SMC5: variants seen among roughly 807,000 people sequenced by gnomAD.
The protein encoded by SMC5 is structural maintenance of chromosomes 5.
A neutral mutation model predicts 148.3 loss-of-function variants in SMC5; 88 were observed. The observed-to-expected ratio is 0.59, with a 90% CI of 0.50 to 0.71. The LOEUF (loss-of-function observed/expected upper bound fraction) is 0.71. SMC5 is among the 30% of genes least tolerant of loss of function. The pLI is 0.00. For synonymous variants in SMC5, 421 were observed against 432.8 expected (o/e 0.97, Z 0.34); for missense variants, 1,142 against 1,298.9 (o/e 0.88, Z 1.86).
In SMC5 at chr9:70,338,974, T is replaced by G. The variant is rs1026097389; in HGVS notation, c.2398-5170T>G. On this transcript the variant is annotated intron_variant, in intron 17 of 24. Transcript: ENST00000361138. ...AGTTCAAGTCCATCCTGGGCAACAC[T>G]GTAAGACCTTATCTCTAAAAAAAAA... Among the ~76,000 whole-genome samples the G allele has an allele frequency of 7.2e-5, 11 of 152,156 alleles. No individual in the cohort carries two copies. In the East Asian group the frequency reaches 2.1e-3, roughly 29 times the overall value.
intron 15 of SMC5, among the ~76,000 whole-genome samples, chr9:70,321,264 C>T (rs993657725): frequency 6.6e-6 from 1 of 152,032 alleles, no homozygotes; most frequent in East Asian, 1.9e-4. Flanking sequence ...AGATTGGGCA[C>T]CTGAGGGTTT....
At chr9:70,352,051 G>A (rs1242556420) in intron 24 of SMC5, 140 bp from the exon 25 acceptor site, 7 of 695,042 alleles carry the variant, frequency 1.0e-5, no homozygotes, top group Admixed American at 6.8e-5. Context: ...TCTGTACTCC[G>A]GCCTGAGCAG....
intron 3 of SMC5, among the ~76,000 whole-genome samples, chr9:70,268,421 G>A (rs887327845): frequency 2.0e-5 from 3 of 152,014 alleles, no homozygotes; most frequent in Non-Finnish European, 4.4e-5. Context: ...ACTCCAGCCT[G>A]GGAGACAGAG....
intron 24 of SMC5, among the ~76,000 whole-genome samples, chr9:70,351,063 A>T (rs1164366170): frequency 6.6e-6 from 1 of 152,160 alleles, no homozygotes; most frequent in African/African-American, 2.4e-5. Context: ...TATTCATGAA[A>T]AATTTTGGCC....
intron 15 of SMC5, among the ~76,000 whole-genome samples, chr9:70,323,129 A>G (rs1031582102): frequency 6.6e-6 from 1 of 152,132 alleles, no homozygotes. Flanking sequence ...TTAACACTTA[A>G]TATCTGTGAT....
rs1564076356 is a variant in SMC5, at chr9:70,350,212, A to C, written c.2988A>C (p.Arg996Ser). ...CTCATCATCAAAGTGGAGGTGAAAG[A>C]AGTGTTTCTACCATGTTATACTTGA... ...LTPHHQSGGE[R>S]SVSTMLYLMA... is the part of the protein sequence containing the mutation. The change falls in exon 23 of 25, where the codon AGA becomes AGC. Residue 996 changes from arginine to serine, a missense_variant. Around this residue, in one of 5 missense-constraint regions of SMC5, gnomAD observed 743 missense variants for 835.7 expected, o/e 0.89. Coordinates refer to ENST00000361138, the MANE Select transcript of SMC5 (RefSeq NM_015110.4). 2.5e-6 allele frequency: 4 copies of C among 1,613,560 alleles called. No homozygotes were observed. The highest frequency in any genetic ancestry group is 3.4e-6 in the Non-Finnish European group (4 of 1,179,788).
intron 18 of SMC5, among the ~76,000 whole-genome samples, chr9:70,345,452 G>A (rs1310419401): frequency 6.6e-6 from 1 of 151,950 alleles, no homozygotes; most frequent in East Asian, 1.9e-4. Context: ...GACATGGATG[G>A]GAACTTGGTC....
chr9:70,261,020 T>A (rs1158260869), intron 1 of SMC5, among the ~76,000 whole-genome samples: 1 of 152,152 alleles, frequency 6.6e-6, no homozygotes. Context: ...ATTACAGACA[T>A]GAGCCACTGC....
chr9:70,323,401 A>C (rs1269780905), intron 15 of SMC5, 82 bp from the exon 16 acceptor site: 9 of 1,390,436 alleles, frequency 6.5e-6, no homozygotes, highest in Admixed American at 2.5e-5. Context: ...AATATATCCC[A>C]GAAAACTGGG....
At chr9:70,348,186 G>A (rs1436669894) in intron 22 of SMC5, 148 bp downstream of exon 22, 2 of 770,864 alleles carry the variant, frequency 2.6e-6, no homozygotes, top group East Asian at 3.2e-5. Flanking sequence ...AAAACCACCT[G>A]TGGGATTCCA....
At position 70,346,339 on chromosome 9, in the gene SMC5, T is replaced by G. The variant is rs1475201314; in HGVS notation, c.2524-266T>G. 6.8e-6 allele frequency: 3 copies of G among 441,302 alleles called. No homozygotes were observed. The Admixed American group carries it at 1.2e-4, about 17-fold the overall frequency. 27.3% of individuals were successfully genotyped at this position (441,302 alleles called of 1,614,324 possible). A position where few individuals can be genotyped will look rare whatever the true frequency, so the allele number is the denominator to read the frequency against. On this transcript the variant is annotated intron_variant, in intron 18 of 24. Coordinates refer to ENST00000361138, the MANE Select transcript of SMC5 (RefSeq NM_015110.4). Reference sequence around the variant, plus strand: ...CAAGATCTTTTTCAGGGTTTCAGGATTCATTTTGTACCATGTAGTATATAG... The same window carrying G: ...CAAGATCTTTTTCAGGGTTTCAGGAGTCATTTTGTACCATGTAGTATATAG...
intron 8 of SMC5, among the ~76,000 whole-genome samples, chr9:70,294,706 A>G (rs563771086): frequency 1.6e-3 from 238 of 152,318 alleles, no homozygotes; most frequent in African/African-American, 5.6e-3. Flanking sequence ...GATCTAGAAC[A>G]TAACCCTCCT....
At chr9:70,316,095 A>G (rs1454807680) in intron 13 of SMC5, among the ~76,000 whole-genome samples, 2 of 152,074 alleles carry the variant, frequency 1.3e-5, no homozygotes, top group Non-Finnish European at 2.9e-5. Flanking sequence ...CATACAGCCA[A>G]AGAAACTCCT....
intron 11 of SMC5, among the ~76,000 whole-genome samples, chr9:70,313,832 G>A (rs2035724316): frequency 6.6e-6 from 1 of 152,058 alleles, no homozygotes. Context: ...GGAATCGTGG[G>A]TAATAACATT....
At chr9:70,291,386 C>G (rs1387132861) in intron 8 of SMC5, among the ~76,000 whole-genome samples, 1 of 152,154 alleles carries the variant, frequency 6.6e-6, no homozygotes, top group Non-Finnish European at 1.5e-5. Context: ...CTTTGGTTAA[C>G]TCTGTCTCAG....
chr9:70,323,654 CAGATA>C (rs751364406), intron 16 of SMC5, 48 bp downstream of exon 16: 4 of 1,555,124 alleles, frequency 2.6e-6, no homozygotes, highest in African/African-American at 1.4e-5. Flanking sequence ...AAATAGCGGG[CAGATA>C]AGATAGTAAA....
At chr9:70,319,826 T>G (rs1443531736) in intron 15 of SMC5, among the ~76,000 whole-genome samples, 6 of 152,212 alleles carry the variant, frequency 3.9e-5, no homozygotes, top group Admixed American at 2.0e-4. Flanking sequence ...GTTGACATAT[T>G]TTATTATGTA....
chr9:70,264,757 A>G (rs1330047658), intron 2 of SMC5, among the ~76,000 whole-genome samples: 1 of 152,224 alleles, frequency 6.6e-6, no homozygotes, highest in African/African-American at 2.4e-5. Flanking sequence ...AACAAAATCC[A>G]GTCATATGTT....
chr9:70,275,980 A>G (rs1342845453), intron 3 of SMC5, among the ~76,000 whole-genome samples: 1 of 151,926 alleles, frequency 6.6e-6, no homozygotes, highest in East Asian at 1.9e-4. Flanking sequence ...AGTGTTCTTG[A>G]TGCTTTGTCT....
Sources: gnomAD v4.1 joint callset for allele counts (sites outside exome capture counted in the v4.1 genomes callset) on GRCh38, gnomAD v4.1.1 for gene constraint, gnomAD v4.1.1 regional missense constraint, MANE v1.5 for transcripts, NCBI Gene and HGNC (gene_info 2026-07-23, HGNC 2026-07-21) for gene names.